The following ASAP2 variants were observed in gnomAD, a reference collection of about 807,000 sequenced individuals.
The protein encoded by ASAP2 is ArfGAP with SH3 domain, ankyrin repeat and PH domain 2.
ASAP2 carries 45 observed loss-of-function variants against 131.4 expected under a neutral mutation model. The ratio of observed to expected loss-of-function variants is 0.34; its 90% CI spans 0.27 to 0.44. The LOEUF (loss-of-function observed/expected upper bound fraction) is 0.44, where lower values mean the gene tolerates loss of function less well. Among genes scored for constraint, ASAP2 ranks in the 20% least tolerant of loss-of-function variants. The probability of loss-of-function intolerance (pLI) is 1.00; values close to 1 mark genes in which losing one functional copy is unlikely to be tolerated. For synonymous variants in ASAP2, 510 were observed against 503.0 expected, an observed-to-expected ratio of 1.01 and a Z score of -0.19; for missense variants, 1,011 against 1,297.0, an observed-to-expected ratio of 0.78 and a Z score of 3.39.
chr2:9,386,748 T>G (rs968713072), intron 21 of ASAP2, among the ~76,000 whole-genome samples: 5 of 152,262 alleles, frequency 3.3e-5, no homozygotes, highest in African/African-American at 1.2e-4. Flanking sequence ...CACCTGGCAT[T>G]GTGCTAGAAA....
chr2:9,289,557 T>C (rs376309204), intron 2 of ASAP2, among the ~76,000 whole-genome samples: 11 of 152,288 alleles, frequency 7.2e-5, no homozygotes, highest in African/African-American at 1.9e-4. Context: ...AAAAAAAATA[T>C]GCAGTAGCCC....
intron 2 of ASAP2, among the ~76,000 whole-genome samples, chr2:9,286,982 T>C (rs1424273675): frequency 5.9e-5 from 9 of 152,256 alleles, no homozygotes. Context: ...ATAAAAACTT[T>C]ATGTGAATTC....
intron 16 of ASAP2, among the ~76,000 whole-genome samples, chr2:9,371,963 C>T (rs1390069813): frequency 2.0e-5 from 3 of 152,168 alleles, no homozygotes; most frequent in Admixed American, 6.5e-5. Context: ...ATCACATTAG[C>T]AAAGCAAACC....
chr2:9,283,928 A>G (rs1667296669), intron 2 of ASAP2, among the ~76,000 whole-genome samples: 1 of 152,206 alleles, frequency 6.6e-6, no homozygotes, highest in African/African-American at 2.4e-5. Flanking sequence ...CCCCATCTCC[A>G]GACACCATTG....
chr2:9,271,260 T>C, intron 1 of ASAP2: 2 of 729,292 alleles, frequency 2.7e-6, no homozygotes, highest in Non-Finnish European at 5.0e-6. Context: ...AAATCCTCAC[T>C]TAAACTACAG....
At chr2:9,303,470 C>T (rs1478351836) in intron 3 of ASAP2, among the ~76,000 whole-genome samples, 5 of 152,156 alleles carry the variant, frequency 3.3e-5, no homozygotes, top group African/African-American at 9.7e-5. Context: ...ATTAGGAGTC[C>T]ATAGGCTTCG....
intron 24 of ASAP2, among the ~76,000 whole-genome samples, chr2:9,395,236 A>C (rs1192602275): frequency 6.6e-6 from 1 of 152,112 alleles, no homozygotes; most frequent in African/African-American, 2.4e-5. Flanking sequence ...ACTTTGGGAG[A>C]CCAAGGTGGG....
intron 1 of ASAP2, among the ~76,000 whole-genome samples, chr2:9,264,201 T>A (rs56904067): frequency 0.19 from 24,340 of 129,382 alleles, 2,767 homozygotes; most frequent in African/African-American, 0.22. Flanking sequence ...AAAAAAATAA[T>A]AATAATAATA....
chr2:9,297,513 T>G, intron 3 of ASAP2, 68 bp downstream of exon 3: 1 of 1,566,828 alleles, frequency 6.4e-7, no homozygotes, highest in East Asian at 2.3e-5. Flanking sequence ...AGAGGATAGT[T>G]ATGGTTTGTT....
intron 12 of ASAP2, among the ~76,000 whole-genome samples, chr2:9,354,348 C>G (rs1672549315): frequency 6.6e-6 from 1 of 152,250 alleles, no homozygotes; most frequent in African/African-American, 2.4e-5. Flanking sequence ...GCTCTTCTCC[C>G]TCACGGCTGA....
At chr2:9,382,513 G>A (rs1431014928) in intron 20 of ASAP2, among the ~76,000 whole-genome samples, 2 of 152,222 alleles carry the variant, frequency 1.3e-5, no homozygotes, top group Non-Finnish European at 2.9e-5. Flanking sequence ...CCTTCCTTGA[G>A]AGAACTGAGA....
In ASAP2 at chr2:9,253,533, G is replaced by A. The variant is rs566696602; in HGVS notation, c.127-25784G>A. Reference sequence around the variant, plus strand: ...CGTCTAAGCACCCTACAGATGTAACGTAGCAGAGTGCCGTCACGCAGAACT... The same window carrying A: ...CGTCTAAGCACCCTACAGATGTAACATAGCAGAGTGCCGTCACGCAGAACT... On this transcript the variant is annotated intron_variant, in intron 1 of 27. Coordinates refer to ENST00000281419, the MANE Select transcript of ASAP2 (RefSeq NM_003887.3). Among the ~76,000 whole-genome samples, 6 of 152,254 alleles carry A rather than the reference G, an allele frequency of 3.9e-5. No homozygotes were observed. In the East Asian group the frequency reaches 7.7e-4, roughly 20 times the overall value.
chr2:9,290,127 C>T (rs193281880), intron 2 of ASAP2, among the ~76,000 whole-genome samples: 5 of 152,234 alleles, frequency 3.3e-5, no homozygotes, highest in East Asian at 1.9e-4. Context: ...TACTCAGTTC[C>T]GAAGGCTGTG....
chr2:9,349,046 T>G (rs370588405), intron 11 of ASAP2, among the ~76,000 whole-genome samples: 1 of 152,172 alleles, frequency 6.6e-6, no homozygotes, highest in African/African-American at 2.4e-5. Flanking sequence ...GCCAGTGTCT[T>G]TAGCTACAAA....
intron 15 of ASAP2, among the ~76,000 whole-genome samples, chr2:9,363,257 G>A (rs867123830): frequency 1.3e-5 from 2 of 152,186 alleles, no homozygotes; most frequent in South Asian, 4.1e-4. Context: ...CAGTAAACAA[G>A]ATGGTGAAGA....
chr2:9,318,080 T>C (rs1669918907), intron 3 of ASAP2, among the ~76,000 whole-genome samples: 1 of 152,186 alleles, frequency 6.6e-6, no homozygotes, highest in African/African-American at 2.4e-5. Context: ...TTGTTTCCCC[T>C]GCTTGGAGCT....
intron 23 of ASAP2, among the ~76,000 whole-genome samples, chr2:9,391,453 C>T (rs1344019445): frequency 6.6e-6 from 1 of 152,186 alleles, no homozygotes; most frequent in African/African-American, 2.4e-5. Flanking sequence ...AGCATTTCAG[C>T]AACATTTCCT....
rs1234828972 is a variant in ASAP2, at chr2:9,379,018, G to T, written c.1907G>T (p.Cys636Phe). 1.3e-6 allele frequency: 2 copies of T among 1,578,544 alleles called. No homozygotes were observed. Among genetic ancestry groups the T allele is most frequent in the Non-Finnish European group, 1.7e-6 (2 of 1,161,730 alleles). ...HYCCLTDNAE[C>F]LKLLLRGKAS... Reference sequence around the variant, plus strand: ...TGCTGCCTGACCGACAATGCCGAGTGCCTCAAGTTGCTCCTGCGGGGGAAG... The same window carrying T: ...TGCTGCCTGACCGACAATGCCGAGTTCCTCAAGTTGCTCCTGCGGGGGAAG... The change falls in exon 19 of 28, where the codon TGC (cysteine) becomes TTC (phenylalanine). Residue 636 changes from cysteine (C) to phenylalanine (F), a missense_variant. By Grantham distance (205) the Cys-to-Phe change is radical (BLOSUM62 -2). This residue lies in a region of ASAP2 where 652 missense variants were observed against 698.9 expected (regional missense o/e 0.93). Transcript: ENST00000281419.
intron 1 of ASAP2, among the ~76,000 whole-genome samples, chr2:9,278,621 C>T (rs1186767728): frequency 1.3e-5 from 2 of 152,044 alleles, no homozygotes; most frequent in Non-Finnish European, 2.9e-5. Context: ...GAACAGATAA[C>T]TGTTTGAGCG....
Sources: gnomAD v4.1 joint callset for allele counts (sites outside exome capture counted in the v4.1 genomes callset) on GRCh38, gnomAD v4.1.1 for gene constraint, gnomAD v4.1.1 regional missense constraint, MANE v1.5 for transcripts, NCBI Gene and HGNC (gene_info 2026-07-23, HGNC 2026-07-21) for gene names.